Variants in CFAP300 observed in about 807,000 individuals in gnomAD.
The protein encoded by CFAP300 is cilia and flagella associated protein 300.
CFAP300 carries 32 observed loss-of-function variants against 33.0 expected under a neutral mutation model. That is an observed-to-expected ratio of 0.97 (90% CI 0.73 to 1.30). The LOEUF is 1.30. CFAP300 is among the 50% of genes most tolerant of loss of function. CFAP300 has a pLI of 0.00. For missense variants in CFAP300, 356 were observed against 318.1 expected (o/e 1.12, Z -0.90); for synonymous variants, 102 against 106.8 (o/e 0.95, Z 0.28).
At position 102,047,584 on chromosome 11, in the gene CFAP300, A is replaced by G. The variant is rs1440121017; in HGVS notation, c.110+4A>G. On this transcript the variant is annotated splice_donor_region_variant and intron_variant, in intron 1 of 6. Coordinates refer to ENST00000434758, the MANE Select transcript of CFAP300 (RefSeq NM_032930.3). ...TCACCAGCCGGCTCCGCCAGTGGTG[A>G]GGAACCGAGGCACAGGGAGAGAAGA... The G allele has an allele frequency of 6.5e-7, 1 of 1,535,602 alleles. No homozygotes were observed. The highest frequency in any genetic ancestry group is 8.7e-7 in the Non-Finnish European group (1 of 1,146,402).
rs2135053037 is a variant in CFAP300 at position 102,081,292 on chromosome 11, G to C, written c.675+11G>C. ...AAAGTTTCAGCTTATGTAAGTGTGA[G>C]AGAACTTTTGCAACCAAAGAATTTA... On this transcript the variant is annotated intron_variant, in intron 6 of 6. Coordinates refer to ENST00000434758, the MANE Select transcript of CFAP300 (RefSeq NM_032930.3). 1.2e-6 allele frequency: 2 copies of C among 1,608,154 alleles called. No individual in the cohort carries two copies. Among genetic ancestry groups the C allele is most frequent in the Non-Finnish European group, 1.7e-6 (2 of 1,176,148 alleles).
chr11:102,070,574 G>C (rs1226766946), intron 4 of CFAP300, among the ~76,000 whole-genome samples: 1 of 151,848 alleles, frequency 6.6e-6, no homozygotes, highest in Non-Finnish European at 1.5e-5. Flanking sequence ...TTGTGCTCTG[G>C]TATTTATTTC....
intron 5 of CFAP300, among the ~76,000 whole-genome samples, chr11:102,079,305 G>C (rs1038481545): frequency 6.6e-6 from 1 of 152,144 alleles, no homozygotes. Context: ...TGTATGCAAA[G>C]TATTTTATAT....
chr11:102,080,361 A>G (rs1041785490), intron 5 of CFAP300, among the ~76,000 whole-genome samples: 1 of 152,128 alleles, frequency 6.6e-6, no homozygotes, highest in Non-Finnish European at 1.5e-5. Context: ...AATATGATAT[A>G]ACTTAGCAAT....
intron 4 of CFAP300, among the ~76,000 whole-genome samples, chr11:102,071,851 A>G (rs1157140566): frequency 1.3e-5 from 2 of 152,058 alleles, no homozygotes; most frequent in East Asian, 3.9e-4. Flanking sequence ...GTTTCCTTAT[A>G]TGTGGCTAGA....
intron 2 of CFAP300, among the ~76,000 whole-genome samples, chr11:102,057,363 A>T (rs1181198914): frequency 6.6e-6 from 1 of 151,742 alleles, no homozygotes; most frequent in Non-Finnish European, 1.5e-5. Context: ...AGAAAAAAAG[A>T]AAACTTTCGT....
At chr11:102,068,323 G>T (rs1451687101) in intron 4 of CFAP300, among the ~76,000 whole-genome samples, 6 of 151,982 alleles carry the variant, frequency 3.9e-5, no homozygotes, top group African/African-American at 1.4e-4. Flanking sequence ...TAGGAGAAAG[G>T]GAGGTATCCA....
intron 4 of CFAP300, among the ~76,000 whole-genome samples, chr11:102,074,736 G>A (rs1479864487): frequency 7.8e-6 from 1 of 128,692 alleles, no homozygotes; most frequent in South Asian, 2.4e-4. Flanking sequence ...TTTTTCCTCT[G>A]TCACCCAGGC....
At position 102,047,448 on chromosome 11, in the gene CFAP300, G is replaced by A. The variant is rs1206861568; in HGVS notation, c.-23G>A. 3 of 1,526,710 alleles carry A rather than the reference G, an allele frequency of 2.0e-6. No homozygotes were observed. Among genetic ancestry groups the A allele is most frequent in the East Asian group, 2.4e-5 (1 of 40,876 alleles). The allele number at this position is 1,526,710 out of a possible 1,614,324, so 94.6% of individuals were successfully genotyped here. The stretch of plus-strand genomic sequence containing the variant: ...CCGCGTCTCCATGGAAACGGCCCAG[G>A]CATCCACCCAGCCGAGAGCACGATG... On this transcript the variant is annotated 5_prime_UTR_variant, in exon 1 of 7. Coordinates refer to ENST00000434758, the MANE Select transcript of CFAP300 (RefSeq NM_032930.3).
intron 4 of CFAP300, among the ~76,000 whole-genome samples, chr11:102,074,740 C>T (rs1039410557): frequency 6.7e-6 from 1 of 150,352 alleles, no homozygotes; most frequent in African/African-American, 2.5e-5. Flanking sequence ...TCCTCTGTCA[C>T]CCAGGCTGGA....
chr11:102,059,859 G>A (rs977082171), intron 3 of CFAP300, among the ~76,000 whole-genome samples: 1 of 149,454 alleles, frequency 6.7e-6, no homozygotes, highest in Non-Finnish European at 1.5e-5. Flanking sequence ...CACCCAGGCT[G>A]GAGTGCAGTG....
At chr11:102,070,316 G>A (rs566320091) in intron 4 of CFAP300, among the ~76,000 whole-genome samples, 3 of 152,186 alleles carry the variant, frequency 2.0e-5, no homozygotes, top group South Asian at 4.1e-4. Flanking sequence ...ATAGAGTTGA[G>A]TTTTTTAAAT....
chr11:102,079,866 A>G (rs1942449638), intron 5 of CFAP300, among the ~76,000 whole-genome samples: 1 of 152,188 alleles, frequency 6.6e-6, no homozygotes, highest in Non-Finnish European at 1.5e-5. Flanking sequence ...CAGAAATACC[A>G]CTTTTATTTA....
In CFAP300 at chr11:102,059,756, T is replaced by C. The variant is rs78276603; in HGVS notation, c.268+801T>C. On this transcript the variant is annotated intron_variant, in intron 3 of 6. Transcript: ENST00000434758. The stretch of plus-strand genomic sequence containing the variant: ...TGGGATATTTGGGCAAAATCTAAAT[T>C]GAGATGAGTACATGGGTACATGGAT... Among the ~76,000 whole-genome samples the C allele has an allele frequency of 2.9e-3, 434 of 151,564 alleles. 2 individuals are homozygous for C. Among genetic ancestry groups the C allele is most frequent in the African/African-American group, 9.9e-3 (407 of 41,318 alleles).
rs1591318995 is a variant in CFAP300, at chr11:102,062,187, A to G, written c.268+3232A>G. 2.6e-5 allele frequency among the ~76,000 whole-genome samples: 4 copies of G among 152,338 alleles called. No homozygotes were observed. The South Asian group carries it at 8.3e-4, about 32-fold the overall frequency. On this transcript the variant is annotated intron_variant, in intron 3 of 6. Transcript: ENST00000434758. The stretch of plus-strand genomic sequence containing the variant: ...GCAAGCCAAGAAGAGTGCCTTCACC[A>G]GCAACTGAATCATCTGGACCTTGAC...
rs12222605 is a variant in CFAP300 at position 102,060,874 on chromosome 11, G to A, written c.268+1919G>A. Among the ~76,000 whole-genome samples, 2,341 of 152,226 alleles carry A rather than the reference G, an allele frequency of 0.015. 144 individuals carry two copies. In the East Asian group the frequency reaches 0.19, roughly 12 times the overall value. The stretch of plus-strand genomic sequence containing the variant: ...AAGACTACTGCAAAATTTATAGAGC[G>A]AAAAGCTGGTACAGACTACTTACAA... On this transcript the variant is annotated intron_variant, in intron 3 of 6. Transcript: ENST00000434758.
intron 4 of CFAP300, among the ~76,000 whole-genome samples, chr11:102,072,871 T>C (rs1403339069): frequency 2.0e-5 from 3 of 152,210 alleles, no homozygotes; most frequent in African/African-American, 7.2e-5. Flanking sequence ...TGCAGTAGTG[T>C]AGTCTCCATA....
intron 1 of CFAP300, 45 bp from the exon 2 acceptor site, chr11:102,047,770 A>G: frequency 6.3e-7 from 1 of 1,597,550 alleles, no homozygotes; most frequent in Non-Finnish European, 8.6e-7. Flanking sequence ...GCGCTCTGAG[A>G]GGGTGCCAGC....
intron 5 of CFAP300, among the ~76,000 whole-genome samples, chr11:102,080,976 TCAGA>T (rs1048711624): frequency 2.0e-5 from 3 of 152,240 alleles, no homozygotes; most frequent in African/African-American, 7.2e-5. Context: ...CATCTGAGTC[TCAGA>T]CTGACCTTAA....
Sources: allele counts gnomAD v4.1 joint callset (sites outside exome capture counted in the v4.1 genomes callset), GRCh38; gene constraint gnomAD v4.1.1; transcripts MANE v1.5; gene names NCBI Gene and HGNC (gene_info 2026-07-23, HGNC 2026-07-21).